The following SLC22A3 variants were observed in gnomAD, a reference collection of about 807,000 sequenced individuals.
The protein encoded by SLC22A3 is EMT organic cation transporter 3.
A neutral mutation model predicts 59.1 loss-of-function variants in SLC22A3; 51 were observed. The observed-to-expected ratio is 0.86, with a 90% confidence interval of 0.69 to 1.09. SLC22A3 has a LOEUF of 1.09. Ranked by LOEUF, SLC22A3 falls within the 50% of genes least tolerant of loss-of-function variation. SLC22A3 has a pLI of 0.00. For synonymous variants in SLC22A3, 325 were observed against 292.0 expected (o/e 1.11, Z -1.15); for missense variants, 711 against 726.3 (o/e 0.98, Z 0.24).
chr6:160,365,644 A>G (rs1354799145), intron 1 of SLC22A3, among the ~76,000 whole-genome samples: 2 of 152,194 alleles, frequency 1.3e-5, no homozygotes, highest in Non-Finnish European at 2.9e-5. Context: ...TGAACAAAAA[A>G]TGTGGCTTTC....
intron 7 of SLC22A3, among the ~76,000 whole-genome samples, chr6:160,442,439 T>G (rs1471371315): frequency 6.6e-6 from 1 of 152,196 alleles, no homozygotes; most frequent in Non-Finnish European, 1.5e-5. Context: ...AAAAAGCCAG[T>G]GTGCTTTGGC....
intron 5 of SLC22A3, among the ~76,000 whole-genome samples, chr6:160,419,675 C>T (rs1389070394): frequency 1.3e-5 from 2 of 152,182 alleles, no homozygotes; most frequent in Non-Finnish European, 2.9e-5. Flanking sequence ...CTGTCTTCCT[C>T]CTCTCACTTT....
chr6:160,391,515 G>A (rs944283466), intron 1 of SLC22A3, among the ~76,000 whole-genome samples: 1 of 152,108 alleles, frequency 6.6e-6, no homozygotes. Context: ...AGGAACACAA[G>A]AGTCAACAAT....
chr6:160,448,019 G>A (rs1436574961), intron 10 of SLC22A3, among the ~76,000 whole-genome samples: 1 of 151,844 alleles, frequency 6.6e-6, no homozygotes, highest in Non-Finnish European at 1.5e-5. Context: ...AGTATGCATT[G>A]TTTTTTTTAA....
rs1372348392 is a variant in SLC22A3, at chr6:160,436,910, G to A, written c.1073+33G>A. The A allele has an allele frequency of 4.4e-6, 7 of 1,609,006 alleles. No homozygotes were observed. The African/African-American group carries it at 8.0e-5, about 18-fold the overall frequency. On this transcript the variant is annotated intron_variant, in intron 6 of 10. Transcript: ENST00000275300. ...TGACTTGTGATGGATTTAAAAGCTT[G>A]CGTTAAATTTACAATACATCCCTTC...
At chr6:160,386,248 C>T (rs1395862210) in intron 1 of SLC22A3, among the ~76,000 whole-genome samples, 1 of 152,218 alleles carries the variant, frequency 6.6e-6, no homozygotes, top group African/African-American at 2.4e-5. Context: ...CTCTGTTTTC[C>T]AGCCTGTCTT....
intron 2 of SLC22A3, among the ~76,000 whole-genome samples, chr6:160,400,023 A>G (rs1470550882): frequency 6.7e-6 from 1 of 150,140 alleles, no homozygotes; most frequent in Non-Finnish European, 1.5e-5. Context: ...ATCACTGTGG[A>G]TGACCTGAAG....
Position 160,410,440 on chromosome 6 carries a change from A to G in SLC22A3, c.858-289A>G, listed in dbSNP as rs189891914. Among the ~76,000 whole-genome samples the G allele has an allele frequency of 1.7e-4, 26 of 152,320 alleles. No individual in the cohort carries two copies. In the East Asian group the frequency reaches 4.8e-3, roughly 28 times the overall value. On this transcript the variant is annotated intron_variant, in intron 4 of 10. Transcript: ENST00000275300. ...TTTTCTTAATATTTACTAAATCCCA[A>G]TTCTTTTCATATATGGAATCAATAT...
rs536421393 is a variant in SLC22A3 at position 160,415,772 on chromosome 6, G to T, written c.975+4926G>T. On this transcript the variant is annotated intron_variant, in intron 5 of 10. Transcript: ENST00000275300. The surrounding 1 kb of genome is among the most constrained non-coding windows in gnomAD (Gnocchi z 4.1). ...AAGCCCTAGGAGACCCAACAAGTCAGCATTTTTCTCTTGTGAAAAGAACCA... is the reference window on the plus strand; with the variant it reads ...AAGCCCTAGGAGACCCAACAAGTCATCATTTTTCTCTTGTGAAAAGAACCA... 6.6e-6 allele frequency among the ~76,000 whole-genome samples: 1 copy of T among 152,158 alleles called. No individual in the cohort carries two copies. Among genetic ancestry groups the T allele is most frequent in the African/African-American group, 2.4e-5 (1 of 41,420 alleles).
chr6:160,398,413 G>A (rs938898914), intron 2 of SLC22A3, among the ~76,000 whole-genome samples: 2 of 152,128 alleles, frequency 1.3e-5, no homozygotes, highest in Admixed American at 6.5e-5. Context: ...CAATCAATTC[G>A]ATGTGCTTCA....
intron 10 of SLC22A3, among the ~76,000 whole-genome samples, chr6:160,449,841 C>T (rs1788883586): frequency 6.6e-6 from 1 of 152,050 alleles, no homozygotes; most frequent in Non-Finnish European, 1.5e-5. Context: ...GTGATGCCCA[C>T]CTGAGCCTTA....
In SLC22A3 at chr6:160,408,812, T is replaced by C; in HGVS notation, c.748T>C (p.Phe250Leu). Residue 250 changes from phenylalanine (F) to leucine (L), a missense_variant, in exon 4 of 11, where the codon TTT becomes CTT. Physicochemically the swap from Phe to Leu is conservative, Grantham distance 22. Coordinates refer to ENST00000275300, the MANE Select transcript of SLC22A3 (RefSeq NM_021977.4). ...TGTGGGAATCGTGATTCAAATGTTCTTTACCCTTGGAATCATAATTCTCCC... is the reference window on the plus strand; with the variant it reads ...TGTGGGAATCGTGATTCAAATGTTCCTTACCCTTGGAATCATAATTCTCCC... ...RIVGIVIQMF[F>L]TLGIIILPGI... 6.2e-7 allele frequency: 1 copy of C among 1,613,794 alleles called. No individual in the cohort carries two copies. The highest frequency in any genetic ancestry group is 1.1e-5 in the South Asian group (1 of 91,082).
At chr6:160,422,447 G>C (rs1392396575) in intron 5 of SLC22A3, among the ~76,000 whole-genome samples, 2 of 152,200 alleles carry the variant, frequency 1.3e-5, no homozygotes, top group Non-Finnish European at 2.9e-5. Flanking sequence ...ATGAACACCT[G>C]GGTTGTGTTG....
chr6:160,367,281 A>C (rs1785238956), intron 1 of SLC22A3, among the ~76,000 whole-genome samples: 1 of 152,140 alleles, frequency 6.6e-6, no homozygotes. Context: ...GCTCCTTAGA[A>C]AACCATCAGA....
chr6:160,441,371 A>C (rs1276277789), intron 7 of SLC22A3, among the ~76,000 whole-genome samples: 3 of 152,186 alleles, frequency 2.0e-5, no homozygotes, highest in African/African-American at 7.2e-5. Context: ...GCTCCAGAGC[A>C]GACAGTGGCC....
At chr6:160,445,101 C>T (rs1448782612) in intron 9 of SLC22A3, among the ~76,000 whole-genome samples, 9 of 152,182 alleles carry the variant, frequency 5.9e-5, no homozygotes, top group Admixed American at 4.6e-4. Flanking sequence ...GGGAGACAGC[C>T]GAATTTCTAA....
intron 1 of SLC22A3, among the ~76,000 whole-genome samples, chr6:160,396,275 A>G (rs754372569): frequency 1.3e-5 from 2 of 152,226 alleles, no homozygotes; most frequent in Non-Finnish European, 2.9e-5. Context: ...TAAGAAAGTA[A>G]CTTTCTTAAT....
At chr6:160,400,607 A>G (rs373942647) in intron 2 of SLC22A3, among the ~76,000 whole-genome samples, 43 of 152,154 alleles carry the variant, frequency 2.8e-4, no homozygotes, top group African/African-American at 7.0e-4. Flanking sequence ...TACCCAGTAC[A>G]CCATGTCCAC....
intron 1 of SLC22A3, among the ~76,000 whole-genome samples, chr6:160,367,122 G>A (rs1785232736): frequency 2.0e-5 from 3 of 152,078 alleles, no homozygotes; most frequent in African/African-American, 7.2e-5. Context: ...ACCAATACTG[G>A]GTAATATATA....
Sources: gnomAD v4.1 joint callset for allele counts (sites outside exome capture counted in the v4.1 genomes callset) on GRCh38, gnomAD v4.1.1 for gene constraint, Gnocchi (gnomAD v3.1) non-coding constraint, MANE v1.5 for transcripts, NCBI Gene and HGNC (gene_info 2026-07-23, HGNC 2026-07-21) for gene names.